KCNAB1: variants seen among roughly 807,000 people sequenced by gnomAD.
KCNAB1 encodes the protein voltage-gated potassium channel subunit beta-1.
A neutral mutation model predicts 64.6 loss-of-function variants in KCNAB1; 35 were observed. The observed-to-expected ratio is 0.54, with a 90% CI of 0.41 to 0.72. KCNAB1 has a LOEUF of 0.72. KCNAB1 is among the 30% of genes least tolerant of loss of function. KCNAB1 has a pLI of 0.00. For missense variants in KCNAB1, 401 were observed against 512.9 expected, an observed-to-expected ratio of 0.78 and a Z score of 2.11; for synonymous variants, 177 against 183.8, an observed-to-expected ratio of 0.96 and a Z score of 0.30.
chr3:156,262,471 C>T (rs1454077454), intron 1 of KCNAB1, among the ~76,000 whole-genome samples: 1 of 151,818 alleles, frequency 6.6e-6, no homozygotes, highest in Non-Finnish European at 1.5e-5. Context: ...TCCTCTTATT[C>T]TATTAATCTG....
chr3:156,120,737 TAA>T lies in KCNAB1; in HGVS notation c.128_129del (p.Lys43ArgfsTer5). 6.2e-7 allele frequency: 1 copy of T among 1,614,230 alleles called. No homozygotes were observed. Among genetic ancestry groups the T allele is most frequent in the Non-Finnish European group, 8.5e-7 (1 of 1,180,038 alleles). ...CTCCCAAGAAAGCCTCAGAAAACGCTAAAGACAGCAGCCTTAGTCCCTCAGGG... is the reference window on the plus strand; with the variant it reads ...CTCCCAAGAAAGCCTCAGAAAACGCTAGACAGCAGCCTTAGTCCCTCAGGG... ...KSPKKASENA[K>X]DSSLSPSGES... On this transcript the variant is annotated frameshift_variant, in exon 1 of 14. Coordinates refer to ENST00000490337, the MANE Select transcript of KCNAB1 (RefSeq NM_172160.3). LOFTEE classifies it high-confidence loss of function.
At chr3:156,134,156 A>G (rs1225847634) in intron 1 of KCNAB1, among the ~76,000 whole-genome samples, 1 of 152,220 alleles carries the variant, frequency 6.6e-6, no homozygotes, top group Admixed American at 6.5e-5. Context: ...CATTTATCTT[A>G]ATAAATGTCA....
intron 8 of KCNAB1, among the ~76,000 whole-genome samples, chr3:156,514,082 A>T (rs1256557865): frequency 6.6e-6 from 1 of 152,248 alleles, no homozygotes; most frequent in African/African-American, 2.4e-5. Context: ...ATCAAGCAAT[A>T]AAAGTAAAGG....
intron 1 of KCNAB1, chr3:156,143,061 G>T (rs903038351): frequency 7.0e-7 from 1 of 1,419,046 alleles, no homozygotes; most frequent in African/African-American, 1.4e-5. Flanking sequence ...AAGAAAACAA[G>T]CTAAACCTTT....
At chr3:156,140,854 A>G (rs1714666175) in intron 1 of KCNAB1, among the ~76,000 whole-genome samples, 1 of 152,166 alleles carries the variant, frequency 6.6e-6, no homozygotes, top group Non-Finnish European at 1.5e-5. Flanking sequence ...GCTGGGAAGA[A>G]TTCCTAGAGG....
intron 13 of KCNAB1, among the ~76,000 whole-genome samples, chr3:156,535,668 T>A (rs1272469491): frequency 6.6e-6 from 1 of 152,172 alleles, no homozygotes; most frequent in African/African-American, 2.4e-5. Context: ...CAATAATCAA[T>A]ACCAATATAC....
intron 1 of KCNAB1, among the ~76,000 whole-genome samples, chr3:156,136,191 C>T (rs1714335929): frequency 6.6e-6 from 1 of 152,226 alleles, no homozygotes; most frequent in African/African-American, 2.4e-5. Flanking sequence ...CCCTTAGACA[C>T]TGACAGCATT....
intron 1 of KCNAB1, among the ~76,000 whole-genome samples, chr3:156,171,571 A>G (rs1711989677): frequency 6.6e-6 from 1 of 152,216 alleles, no homozygotes; most frequent in Admixed American, 6.5e-5. Context: ...AAAGGCAGGA[A>G]TGTGAAATAT....
chr3:156,139,047 T>C (rs947657036), intron 1 of KCNAB1, among the ~76,000 whole-genome samples: 16 of 152,210 alleles, frequency 1.1e-4, no homozygotes, highest in Admixed American at 2.0e-4. Flanking sequence ...TCATCGTTCC[T>C]GAGACACAGA....
chr3:156,412,413 A>T (rs1473654686), intron 1 of KCNAB1, among the ~76,000 whole-genome samples: 1 of 152,258 alleles, frequency 6.6e-6, no homozygotes, highest in African/African-American at 2.4e-5. Context: ...GAATTGTAAT[A>T]GTCAATCTAA....
chr3:156,342,373 C>T (rs531170391), intron 1 of KCNAB1, among the ~76,000 whole-genome samples: 26 of 152,262 alleles, frequency 1.7e-4, no homozygotes, highest in Middle Eastern at 3.4e-3. Context: ...AATTTCTTCA[C>T]GTGGGGTCTC....
intron 1 of KCNAB1, among the ~76,000 whole-genome samples, chr3:156,299,468 C>G (rs1721012157): frequency 6.6e-6 from 1 of 151,454 alleles, no homozygotes; most frequent in African/African-American, 2.4e-5. Flanking sequence ...GTGTCTAAAG[C>G]ACAGGCTTCT....
chr3:156,330,608 A>T (rs577489648), intron 1 of KCNAB1, among the ~76,000 whole-genome samples: 1 of 152,300 alleles, frequency 6.6e-6, no homozygotes, highest in South Asian at 2.1e-4. Context: ...CAGCTCAGCA[A>T]TTCTGTTCTG....
chr3:156,495,816 C>A (rs1715973295), intron 8 of KCNAB1, among the ~76,000 whole-genome samples: 1 of 152,146 alleles, frequency 6.6e-6, no homozygotes, highest in East Asian at 1.9e-4. Flanking sequence ...TGTTAACTGT[C>A]ATTTTTAATA....
intron 1 of KCNAB1, among the ~76,000 whole-genome samples, chr3:156,208,382 G>A (rs569100437): frequency 6.6e-6 from 1 of 152,250 alleles, no homozygotes; most frequent in Non-Finnish European, 1.5e-5. Context: ...CTCTATCTCA[G>A]CTTGGCTTTC....
At chr3:156,321,490 G>A (rs1448202653) in intron 1 of KCNAB1, among the ~76,000 whole-genome samples, 1 of 152,198 alleles carries the variant, frequency 6.6e-6, no homozygotes, top group Non-Finnish European at 1.5e-5. Context: ...GATGGTATTT[G>A]AACACAAACA....
chr3:156,274,696 T>C (rs1719240814), intron 1 of KCNAB1, among the ~76,000 whole-genome samples: 1 of 152,202 alleles, frequency 6.6e-6, no homozygotes. Context: ...TAACATTTCC[T>C]GGGTTTTTGT....
intron 1 of KCNAB1, among the ~76,000 whole-genome samples, chr3:156,170,448 A>G (rs753752281): frequency 1.3e-5 from 2 of 152,138 alleles, no homozygotes; most frequent in Admixed American, 6.5e-5. Flanking sequence ...CAAATTGCCA[A>G]GTCCTGTTTA....
chr3:156,168,441 G>C (rs1478936918), intron 1 of KCNAB1, among the ~76,000 whole-genome samples: 2 of 152,098 alleles, frequency 1.3e-5, no homozygotes, highest in East Asian at 3.9e-4. Context: ...TTCCAGTTTA[G>C]AAATGTGAAA....
Sources: allele counts gnomAD v4.1 joint callset (sites outside exome capture counted in the v4.1 genomes callset), GRCh38; gene constraint gnomAD v4.1.1; transcripts MANE v1.5; gene names NCBI Gene and HGNC (gene_info 2026-07-23, HGNC 2026-07-21).